PLPPR1: variants seen among roughly 807,000 people sequenced by gnomAD.
PLPPR1 encodes phospholipid phosphatase-related protein type 1.
A neutral mutation model predicts 33.1 loss-of-function variants in PLPPR1; 10 were observed. The observed-to-expected ratio is 0.30, with a 90% CI of 0.19 to 0.51. The LOEUF is 0.51. PLPPR1 is among the 20% of genes least tolerant of loss of function. PLPPR1 has a pLI of 0.97. For synonymous variants in PLPPR1, 151 were observed against 151.0 expected, an observed-to-expected ratio of 1.00 and a Z score of 0.00; for missense variants, 304 against 408.1, an observed-to-expected ratio of 0.74 and a Z score of 2.20.
At chr9:101,313,839 C>A (rs1372163424) in intron 6 of PLPPR1, among the ~76,000 whole-genome samples, 2 of 152,268 alleles carry the variant, frequency 1.3e-5, no homozygotes, top group African/African-American at 4.8e-5. Context: ...TCCCTTATCC[C>A]CAGGCAACTG....
intron 1 of PLPPR1, among the ~76,000 whole-genome samples, chr9:101,043,384 T>G (rs1830105778): frequency 6.6e-6 from 1 of 151,540 alleles, no homozygotes; most frequent in East Asian, 1.9e-4. Context: ...TATATACGTA[T>G]ATACATACAC....
intron 2 of PLPPR1, among the ~76,000 whole-genome samples, chr9:101,265,812 T>C (rs376586167): frequency 3.3e-5 from 5 of 151,470 alleles, no homozygotes; most frequent in African/African-American, 1.2e-4. Context: ...CTGGCCAACA[T>C]AGTGAAACCC....
chr9:101,205,704 TAACA>T (rs1826576463), intron 2 of PLPPR1, among the ~76,000 whole-genome samples: 1 of 152,214 alleles, frequency 6.6e-6, no homozygotes, highest in Non-Finnish European at 1.5e-5. Flanking sequence ...AGATTTTATG[TAACA>T]AACATTTATT....
chr9:101,316,686 G>GTGGGCAGTAA (rs760289260), intron 6 of PLPPR1, among the ~76,000 whole-genome samples: 26 of 147,210 alleles, frequency 1.8e-4, no homozygotes, highest in Admixed American at 7.7e-4. Flanking sequence ...AAACAGAAAA[G>GTGGGCAGTAA]TGGGCAGTAA....
chr9:101,247,019 G>A (rs1156482623), intron 2 of PLPPR1, among the ~76,000 whole-genome samples: 1 of 151,932 alleles, frequency 6.6e-6, no homozygotes, highest in Non-Finnish European at 1.5e-5. Flanking sequence ...TCTACTGGCT[G>A]AAATAAGTCA....
At chr9:101,101,024 G>A (rs1181463206) in intron 1 of PLPPR1, among the ~76,000 whole-genome samples, 1 of 152,132 alleles carries the variant, frequency 6.6e-6, no homozygotes, top group East Asian at 1.9e-4. Context: ...TAAGCCTTAA[G>A]AAATGCACAC....
intron 1 of PLPPR1, among the ~76,000 whole-genome samples, chr9:101,152,516 G>T (rs542671069): frequency 1.3e-5 from 2 of 152,264 alleles, no homozygotes; most frequent in East Asian, 3.9e-4. Flanking sequence ...TTCTTCTAGG[G>T]TTTTTATGGC....
At chr9:101,078,974 A>G (rs1830583247) in intron 1 of PLPPR1, among the ~76,000 whole-genome samples, 1 of 152,074 alleles carries the variant, frequency 6.6e-6, no homozygotes, top group Non-Finnish European at 1.5e-5. Context: ...CCTTTCATGT[A>G]TGTTTTATTT....
chr9:101,309,572 A>G (rs1828919807), intron 5 of PLPPR1, 111 bp downstream of exon 5: 1 of 1,222,544 alleles, frequency 8.2e-7, no homozygotes, highest in Non-Finnish European at 1.1e-6. Context: ...AAATTTATGT[A>G]TGGCATATTT....
chr9:101,031,963 G>A (rs1829950890), intron 1 of PLPPR1, among the ~76,000 whole-genome samples: 1 of 152,070 alleles, frequency 6.6e-6, no homozygotes, highest in African/African-American at 2.4e-5. Flanking sequence ...CACAAAGGGA[G>A]GGCATCCAAC....
intron 2 of PLPPR1, among the ~76,000 whole-genome samples, chr9:101,211,060 C>T (rs934479588): frequency 6.6e-6 from 1 of 152,204 alleles, no homozygotes; most frequent in African/African-American, 2.4e-5. Context: ...AGCCACCGCC[C>T]CCGGCCTATA....
chr9:101,135,423 C>T (rs1469751726), intron 1 of PLPPR1, among the ~76,000 whole-genome samples: 1 of 152,148 alleles, frequency 6.6e-6, no homozygotes, highest in Non-Finnish European at 1.5e-5. Flanking sequence ...TTTCAAACTC[C>T]TCTCTTAAGG....
At chr9:101,196,591 G>A (rs758374087) in intron 2 of PLPPR1, among the ~76,000 whole-genome samples, 1 of 152,234 alleles carries the variant, frequency 6.6e-6, no homozygotes, top group African/African-American at 2.4e-5. Flanking sequence ...GCCGGACGCG[G>A]CGGCTCACGC....
chr9:101,264,855 G>T (rs1257460157), intron 2 of PLPPR1, among the ~76,000 whole-genome samples: 9 of 152,152 alleles, frequency 5.9e-5, no homozygotes, highest in Admixed American at 5.2e-4. Context: ...GAACAAACTG[G>T]ATTGTTGATC....
chr9:101,069,069 G>A (rs1378223673), intron 1 of PLPPR1, among the ~76,000 whole-genome samples: 1 of 151,836 alleles, frequency 6.6e-6, no homozygotes, highest in Admixed American at 6.6e-5. Context: ...TTCCCTAGTG[G>A]CTGTTGTTAT....
chr9:101,083,709 T>C (rs1830647033), intron 1 of PLPPR1, among the ~76,000 whole-genome samples: 1 of 151,952 alleles, frequency 6.6e-6, no homozygotes, highest in Non-Finnish European at 1.5e-5. Flanking sequence ...TTTATCTATT[T>C]TAAAGAAGAA....
rs370046405 is a variant in PLPPR1, at chr9:101,286,174, C to T, written c.323C>T (p.Thr108Ile). 6.2e-7 allele frequency: 1 copy of T among 1,613,362 alleles called. No individual in the cohort carries two copies. Among genetic ancestry groups the T allele is most frequent in the African/African-American group, 1.3e-5 (1 of 74,920 alleles). The part of the protein sequence containing the change: ...TRESLIAQEK[T>I]ILTGECCYLN... ...GAATCCCTGATTGCTCAGGAGAAAA[C>T]AATTCTGACCGGAGAATGCTGTTAC... The change falls in exon 4 of 8, where the codon ACA becomes ATA. Residue 108 changes from threonine to isoleucine, a missense_variant. Transcript: ENST00000374874.
intron 1 of PLPPR1, among the ~76,000 whole-genome samples, chr9:101,076,292 C>T (rs190874288): frequency 2.4e-3 from 360 of 152,176 alleles, no homozygotes; most frequent in Non-Finnish European, 3.1e-3. Context: ...GAGTTTTAGT[C>T]TCTATTGGAA....
intron 2 of PLPPR1, among the ~76,000 whole-genome samples, chr9:101,207,079 T>C (rs1394834508): frequency 6.6e-6 from 1 of 152,240 alleles, no homozygotes; most frequent in Admixed American, 6.5e-5. Flanking sequence ...GTACCTTTTA[T>C]AATTTATAAT....
Sources: gnomAD v4.1 joint callset for allele counts (sites outside exome capture counted in the v4.1 genomes callset) on GRCh38, gnomAD v4.1.1 for gene constraint, MANE v1.5 for transcripts, NCBI Gene and HGNC (gene_info 2026-07-23, HGNC 2026-07-21) for gene names.